Variants in APBA1 observed in about 807,000 individuals in gnomAD.
APBA1 encodes the protein amyloid beta precursor protein binding family A member 1.
APBA1 carries 55 observed loss-of-function variants against 86.6 expected under a neutral mutation model. The ratio of observed to expected loss-of-function variants is 0.64; its 90% CI spans 0.51 to 0.80. The LOEUF (loss-of-function observed/expected upper bound fraction) is 0.80. Among genes scored for constraint, APBA1 ranks in the 30% least tolerant of loss-of-function variants. The pLI is 0.00. For missense variants in APBA1, 1,090 were observed against 1,183.0 expected (o/e 0.92, Z 1.15); for synonymous variants, 511 against 493.9 (o/e 1.03, Z -0.46).
chr9:69,659,507 C>T (rs1386080895), intron 1 of APBA1, among the ~76,000 whole-genome samples: 3 of 152,164 alleles, frequency 2.0e-5, no homozygotes, highest in Admixed American at 6.5e-5. Context: ...CCTCTCTAAG[C>T]CTGCCCTCTC....
chr9:69,667,023 T>C (rs1823853531), intron 1 of APBA1, among the ~76,000 whole-genome samples: 1 of 152,230 alleles, frequency 6.6e-6, no homozygotes, highest in Non-Finnish European at 1.5e-5. Context: ...ACTTTACATG[T>C]ACGTCACTGT....
rs145078701 is a variant in APBA1 at position 69,491,990 on chromosome 9, C to G, written c.1201-15847G>C. 3.4e-3 allele frequency among the ~76,000 whole-genome samples: 522 copies of G among 152,146 alleles called. 2 individuals are homozygous for G. Among genetic ancestry groups the G allele is most frequent in the Non-Finnish European group, 6.4e-3 (437 of 67,996 alleles). On this transcript the variant is annotated intron_variant, in intron 2 of 12. Transcript: ENST00000265381. ...ATGTTGGCCAGGATGGTCTCGAACT[C>G]CTGACCTCAAGTGATCCAACTGCCT...
chr9:69,649,635 C>A lies in APBA1; in HGVS notation c.-70+22518G>T, dbSNP rs553897156. On this transcript the variant is annotated intron_variant, in intron 1 of 12. Transcript: ENST00000265381. ...TCCATGTGCTCTGCTCCCATCCACC[C>A]CCGGGGCCTTGCATGGGGCTGACAC... Among the ~76,000 whole-genome samples the A allele has an allele frequency of 3.9e-3, 595 of 152,306 alleles. 3 individuals carry two copies. The highest frequency in any genetic ancestry group is 0.014 in the African/African-American group (569 of 41,566).
intron 1 of APBA1, among the ~76,000 whole-genome samples, chr9:69,670,392 C>T (rs1823923491): frequency 1.3e-5 from 2 of 152,162 alleles, no homozygotes; most frequent in African/African-American, 2.4e-5. Context: ...GCCATGACTG[C>T]TACGGGCTTT....
intron 1 of APBA1, among the ~76,000 whole-genome samples, chr9:69,656,530 C>T (rs1823615107): frequency 6.6e-6 from 1 of 152,178 alleles, no homozygotes; most frequent in African/African-American, 2.4e-5. Flanking sequence ...TCTATGGTGA[C>T]AGAGGTCAGA....
At chr9:69,630,296 G>A (rs1439610206) in intron 1 of APBA1, among the ~76,000 whole-genome samples, 3 of 152,132 alleles carry the variant, frequency 2.0e-5, no homozygotes, top group Non-Finnish European at 2.9e-5. Context: ...AGCAACATGG[G>A]CAGGGACCAG....
chr9:69,517,110 A>C lies in APBA1; in HGVS notation c.101T>G (p.Val34Gly), dbSNP rs1207212225. 2 of 1,572,456 alleles carry C rather than the reference A, an allele frequency of 1.3e-6. No individual in the cohort carries two copies. The highest frequency in any genetic ancestry group is 1.7e-6 in the Non-Finnish European group (2 of 1,163,048). Residue 34 changes from valine to glycine, a missense_variant, in exon 2 of 13, where the codon GTG becomes GGG. Physicochemically the swap from Val to Gly is moderately radical, Grantham distance 109 (BLOSUM62 -3). Around this residue, in one of 6 missense-constraint regions of APBA1, gnomAD observed 678 missense variants for 647.1 expected, o/e 1.05. Transcript: ENST00000265381. ...SVEADLEHPE[V>G]EEEQQQPPQQ... is the part of the protein sequence containing the mutation. Reference sequence around the variant, plus strand: ...CGGCGGCTGCTGCTGTTCCTCTTCCACCTCGGGGTGCTCCAGGTCGGCCTC... The same window carrying C: ...CGGCGGCTGCTGCTGTTCCTCTTCCCCCTCGGGGTGCTCCAGGTCGGCCTC...
intron 1 of APBA1, among the ~76,000 whole-genome samples, chr9:69,642,467 G>A (rs1202672865): frequency 6.6e-6 from 1 of 152,104 alleles, no homozygotes; most frequent in African/African-American, 2.4e-5. Context: ...TGTTGACAAG[G>A]ATGCAGAACA....
intron 1 of APBA1, among the ~76,000 whole-genome samples, chr9:69,620,447 G>A (rs113552965): frequency 2.6e-5 from 4 of 152,050 alleles, no homozygotes; most frequent in African/African-American, 9.7e-5. Context: ...TTGGGAGGCC[G>A]AGGCAGGCAG....
Position 69,516,714 on chromosome 9 carries a change from G to C in APBA1, c.497C>G (p.Ser166Ter). The C allele has an allele frequency of 6.2e-7, 1 of 1,611,380 alleles. No homozygotes were observed. Among genetic ancestry groups the C allele is most frequent in the South Asian group, 1.1e-5 (1 of 90,780 alleles). The stretch of plus-strand genomic sequence containing the variant: ...GAGCCGGTGCGTGTAGACGTAGCCT[G>C]AGTAGGCCGCATTCATGGCTTCCTC... ...EHEEAMNAAY[S>*]GYVYTHRLFH... Residue 166 changes from serine (S) to a stop codon, truncating the protein, a stop_gained, in exon 2 of 13, where the codon TCA (serine) becomes TGA (stop). Coordinates refer to ENST00000265381, the MANE Select transcript of APBA1 (RefSeq NM_001163.4). LOFTEE classifies it high-confidence loss of function. The surrounding 1 kb of genome is among the most constrained non-coding windows in gnomAD (Gnocchi z 7.3).
At chr9:69,615,315 C>T (rs1390644490) in intron 1 of APBA1, among the ~76,000 whole-genome samples, 1 of 152,164 alleles carries the variant, frequency 6.6e-6, no homozygotes, top group African/African-American at 2.4e-5. Flanking sequence ...CCTACTAATT[C>T]CTTCCAAAAT....
rs553373379 is a variant in APBA1 at position 69,612,659 on chromosome 9, G to C, written c.-70+59494C>G. Among the ~76,000 whole-genome samples the C allele has an allele frequency of 1.3e-3, 194 of 152,016 alleles. 1 individual carries two copies. The highest frequency in any genetic ancestry group is 4.4e-3 in the African/African-American group (181 of 41,502). ...TCACTAGAAATTCAGGTTACTAAGA[G>C]TTTAAAATTCTAATTAACATAAAAT... On this transcript the variant is annotated intron_variant, in intron 1 of 12. Coordinates refer to ENST00000265381, the MANE Select transcript of APBA1 (RefSeq NM_001163.4).
intron 1 of APBA1, among the ~76,000 whole-genome samples, chr9:69,538,887 C>T (rs1025869770): frequency 1.3e-5 from 2 of 152,198 alleles, no homozygotes; most frequent in African/African-American, 4.8e-5. Context: ...CCTTCTGCTC[C>T]ACTGAATCAG....
At chr9:69,655,774 A>G (rs1823596134) in intron 1 of APBA1, among the ~76,000 whole-genome samples, 1 of 151,776 alleles carries the variant, frequency 6.6e-6, no homozygotes, top group Admixed American at 6.5e-5. Flanking sequence ...GATCTTGAGA[A>G]AAAGAACTAA....
Position 69,439,468 on chromosome 9 carries a change from T to C in APBA1, c.2301+1528A>G, listed in dbSNP as rs183508449. On this transcript the variant is annotated intron_variant, in intron 11 of 12. Transcript: ENST00000265381. ...ATAGTCCCATATTTCTTGGAGGCTTTGTTCCTATCTATCTATCTTTTTATT... is the reference window on the plus strand; with the variant it reads ...ATAGTCCCATATTTCTTGGAGGCTTCGTTCCTATCTATCTATCTTTTTATT... Among the ~76,000 whole-genome samples the C allele has an allele frequency of 2.4e-4, 37 of 152,314 alleles. No homozygotes were observed. The East Asian group carries it at 7.1e-3, about 29-fold the overall frequency.
chr9:69,532,879 C>T (rs1256610604), intron 1 of APBA1, among the ~76,000 whole-genome samples: 1 of 152,160 alleles, frequency 6.6e-6, no homozygotes, highest in East Asian at 1.9e-4. Flanking sequence ...TGAAAGTATC[C>T]ATCAAAATTA....
At chr9:69,613,818 C>T (rs981794791) in intron 1 of APBA1, among the ~76,000 whole-genome samples, 6 of 152,154 alleles carry the variant, frequency 3.9e-5, no homozygotes, top group African/African-American at 1.2e-4. Context: ...CTCTATAATA[C>T]GGTATACATT....
chr9:69,543,801 C>A (rs1836656462), intron 1 of APBA1, among the ~76,000 whole-genome samples: 1 of 152,122 alleles, frequency 6.6e-6, no homozygotes, highest in Non-Finnish European at 1.5e-5. Flanking sequence ...AATAATGAAG[C>A]CATGCATCTC....
chr9:69,591,033 T>C (rs1002838506), intron 1 of APBA1, among the ~76,000 whole-genome samples: 1 of 152,210 alleles, frequency 6.6e-6, no homozygotes, highest in East Asian at 1.9e-4. Context: ...CCCCGTACCA[T>C]GGTCCCAAAC....
Sources: allele counts gnomAD v4.1 joint callset (sites outside exome capture counted in the v4.1 genomes callset), GRCh38; gene constraint gnomAD v4.1.1; regional missense constraint gnomAD v4.1.1; non-coding constraint Gnocchi (gnomAD v3.1); transcripts MANE v1.5; gene names NCBI Gene and HGNC (gene_info 2026-07-23, HGNC 2026-07-21).